KCND2: variants seen among roughly 807,000 people sequenced by gnomAD.
The protein encoded by KCND2 is A-type voltage-gated potassium channel KCND2.
KCND2 carries 16 observed loss-of-function variants against 54.4 expected under a neutral mutation model. The observed-to-expected ratio is 0.29, with a 90% confidence interval of 0.20 to 0.45. The LOEUF is 0.45. KCND2 is among the 20% of genes least tolerant of loss of function. The pLI is 1.00. For synonymous variants in KCND2, 317 were observed against 310.7 expected (o/e 1.02, Z -0.21); for missense variants, 486 against 824.2 (o/e 0.59, Z 5.02).
At chr7:120,422,293 A>C (rs1056745604) in intron 1 of KCND2, among the ~76,000 whole-genome samples, 3 of 152,220 alleles carry the variant, frequency 2.0e-5, no homozygotes, top group Non-Finnish European at 4.4e-5. Flanking sequence ...AACATTTCCA[A>C]AGAATCTCAA....
chr7:120,584,142 T>C (rs1792557681), intron 1 of KCND2, among the ~76,000 whole-genome samples: 1 of 152,236 alleles, frequency 6.6e-6, no homozygotes, highest in African/African-American at 2.4e-5. Context: ...CATATGGAGC[T>C]CATGCTGTAA....
chr7:120,607,422 A>C (rs1478217608), intron 1 of KCND2, among the ~76,000 whole-genome samples: 1 of 152,152 alleles, frequency 6.6e-6, no homozygotes, highest in Non-Finnish European at 1.5e-5. Context: ...TCTGTAGGGT[A>C]AGAAATCTAC....
intron 1 of KCND2, among the ~76,000 whole-genome samples, chr7:120,617,741 A>G (rs945750913): frequency 5.3e-5 from 8 of 152,190 alleles, no homozygotes; most frequent in Non-Finnish European, 7.3e-5. Context: ...CATGGAATCA[A>G]CCCAGGTGCT....
chr7:120,413,076 G>A (rs1003218005), intron 1 of KCND2, among the ~76,000 whole-genome samples: 1 of 152,026 alleles, frequency 6.6e-6, no homozygotes, highest in Non-Finnish European at 1.5e-5. Flanking sequence ...AGTAGATATT[G>A]TGACTACTAG....
chr7:120,607,333 C>G (rs1171270809), intron 1 of KCND2, among the ~76,000 whole-genome samples: 2 of 152,074 alleles, frequency 1.3e-5, no homozygotes, highest in Non-Finnish European at 2.9e-5. Flanking sequence ...AGGGCCTACT[C>G]TGCTATCCAT....
chr7:120,500,037 T>G (rs928252747), intron 1 of KCND2, among the ~76,000 whole-genome samples: 9 of 152,308 alleles, frequency 5.9e-5, no homozygotes, highest in Middle Eastern at 3.4e-3. Context: ...CAATACTATC[T>G]TTAATTTGCA....
At chr7:120,379,600 T>C (rs776715176) in intron 1 of KCND2, among the ~76,000 whole-genome samples, 6 of 152,074 alleles carry the variant, frequency 3.9e-5, no homozygotes, top group Non-Finnish European at 8.8e-5. Context: ...GGCCCATTAC[T>C]CTTTTTAAGA....
chr7:120,320,355 C>CT (rs140960026), intron 1 of KCND2, among the ~76,000 whole-genome samples: 16 of 152,172 alleles, frequency 1.1e-4, no homozygotes, highest in African/African-American at 3.4e-4. Context: ...CTACCATTGT[C>CT]TAAGATTGGA....
In KCND2 at chr7:120,401,272, A is replaced by G. The variant is rs73722595; in HGVS notation, c.1115+125525A>G. ...AAAAACGGCCTGAGTGTGACATCTA[A>G]TCTCAAGACAAACCTGTCTTTTTTC... On this transcript the variant is annotated intron_variant, in intron 1 of 5. Coordinates refer to ENST00000331113, the MANE Select transcript of KCND2 (RefSeq NM_012281.3). 4.6e-3 allele frequency among the ~76,000 whole-genome samples: 696 copies of G among 152,210 alleles called. 6 individuals are homozygous for G. The highest frequency in any genetic ancestry group is 0.015 in the African/African-American group (640 of 41,554).
intron 2 of KCND2, among the ~76,000 whole-genome samples, chr7:120,734,054 G>T (rs1792841398): frequency 6.6e-6 from 1 of 152,074 alleles, no homozygotes; most frequent in Non-Finnish European, 1.5e-5. Flanking sequence ...GCCAGAGTAA[G>T]CTCAGAAACT....
chr7:120,293,208 C>T (rs1398099502), intron 1 of KCND2, among the ~76,000 whole-genome samples: 1 of 151,798 alleles, frequency 6.6e-6, no homozygotes, highest in African/African-American at 2.4e-5. Flanking sequence ...GCTCAAATGT[C>T]TCCATTAGTC....
chr7:120,579,299 G>GT (rs995639365), intron 1 of KCND2, among the ~76,000 whole-genome samples: 89 of 151,374 alleles, frequency 5.9e-4, no homozygotes, highest in African/African-American at 1.9e-3. Flanking sequence ...TTATCTTTTA[G>GT]TTTTTTCTTA....
intron 1 of KCND2, among the ~76,000 whole-genome samples, chr7:120,531,578 C>T (rs1437731268): frequency 6.6e-6 from 1 of 152,110 alleles, no homozygotes; most frequent in Non-Finnish European, 1.5e-5. Flanking sequence ...ATTTATATTA[C>T]TGTTTCTATT....
chr7:120,379,028 C>A (rs1800875513), intron 1 of KCND2, among the ~76,000 whole-genome samples: 2 of 151,930 alleles, frequency 1.3e-5, no homozygotes, highest in African/African-American at 4.8e-5. Flanking sequence ...TAAAGGCAGA[C>A]AGATCTCTAC....
chr7:120,634,077 T>C (rs549413215), intron 1 of KCND2, among the ~76,000 whole-genome samples: 3 of 152,158 alleles, frequency 2.0e-5, no homozygotes, highest in Non-Finnish European at 4.4e-5. Context: ...ATTTATAGAA[T>C]CTTTTTTCAT....
chr7:120,288,707 A>G (rs1799385742), intron 1 of KCND2, among the ~76,000 whole-genome samples: 1 of 152,102 alleles, frequency 6.6e-6, no homozygotes. Context: ...CATTTCCTGT[A>G]TTGGAGGATG....
chr7:120,349,700 C>G lies in KCND2; in HGVS notation c.1115+73953C>G, dbSNP rs939991031. ...ATTCATTACACAAATGTTTTTTGAG[C>G]CCCTGTTATAGTCCAGATATCTTTT... is the stretch of plus-strand genomic sequence containing the variant. On this transcript the variant is annotated intron_variant, in intron 1 of 5. Coordinates refer to ENST00000331113, the MANE Select transcript of KCND2 (RefSeq NM_012281.3). Among the ~76,000 whole-genome samples, 157 of 152,076 alleles carry G rather than the reference C, an allele frequency of 1.0e-3. 2 individuals carry two copies. Among genetic ancestry groups the G allele is most frequent in the Non-Finnish European group, 7.8e-4 (53 of 67,998 alleles).
intron 1 of KCND2, among the ~76,000 whole-genome samples, chr7:120,731,185 G>A (rs1358642809): frequency 1.3e-5 from 2 of 152,310 alleles, no homozygotes; most frequent in East Asian, 1.9e-4. Context: ...TTATGCTCAC[G>A]AAACACAAAG....
rs34803439 is a variant in KCND2 at position 120,701,240 on chromosome 7, TAAAAA to T, written c.1116-31631_1116-31627del. Among the ~76,000 whole-genome samples, 25 of 55,134 alleles carry T rather than the reference TAAAAA, an allele frequency of 4.5e-4. 1 individual carries two copies. The highest frequency in any genetic ancestry group is 1.2e-3 in the African/African-American group (21 of 17,820). The allele number at this position is 55,134 out of a possible 152,430, so 36.2% of individuals were successfully genotyped here. On this transcript the variant is annotated intron_variant, in intron 1 of 5. Transcript: ENST00000331113. The stretch of plus-strand genomic sequence containing the variant: ...TAGTTGAATGGCTGTAATGCCTAGC[TAAAAA>T]AAAAAAAAAAAAAAAAAAAAAAAAA...
Sources: gnomAD v4.1 joint callset for allele counts (sites outside exome capture counted in the v4.1 genomes callset) on GRCh38, gnomAD v4.1.1 for gene constraint, MANE v1.5 for transcripts, NCBI Gene and HGNC (gene_info 2026-07-23, HGNC 2026-07-21) for gene names.